The following HEXB variants were observed in gnomAD, a reference collection of about 807,000 sequenced individuals.
The protein encoded by HEXB is beta-hexosaminidase subunit beta.
HEXB carries 51 observed loss-of-function variants against 71.2 expected under a neutral mutation model. The observed-to-expected ratio is 0.72, with a 90% confidence interval of 0.57 to 0.90. The LOEUF is 0.90. HEXB is among the 40% of genes least tolerant of loss of function. HEXB has a pLI of 0.00. For missense variants in HEXB, 617 were observed against 677.0 expected, an observed-to-expected ratio of 0.91 and a Z score of 0.98; for synonymous variants, 266 against 249.3, an observed-to-expected ratio of 1.07 and a Z score of -0.63.
chr5:74,642,688 A>AT (rs1210800948), intron 1 of HEXB, among the ~76,000 whole-genome samples: 1 of 151,316 alleles, frequency 6.6e-6, no homozygotes, highest in Non-Finnish European at 1.5e-5. Context: ...TTGGTTGGGG[A>AT]TTTTGCCACA....
At chr5:74,670,881 A>G (rs1002995934) in intron 1 of HEXB, among the ~76,000 whole-genome samples, 13 of 151,242 alleles carry the variant, frequency 8.6e-5, no homozygotes, top group Admixed American at 2.6e-4. Context: ...TCGCTCACAC[A>G]CCCCCTCCCA....
intron 1 of HEXB, among the ~76,000 whole-genome samples, chr5:74,657,480 T>A (rs1748241343): frequency 6.6e-6 from 1 of 152,208 alleles, no homozygotes; most frequent in African/African-American, 2.4e-5. Context: ...CCCTTCACCC[T>A]GCTGGATTTT....
intron 5 of HEXB, among the ~76,000 whole-genome samples, chr5:74,704,232 T>C (rs1462581796): frequency 6.6e-6 from 1 of 152,204 alleles, no homozygotes; most frequent in Non-Finnish European, 1.5e-5. Context: ...ACCCTCCTTT[T>C]ATCCTCAATA....
intron 5 of HEXB, among the ~76,000 whole-genome samples, chr5:74,699,756 A>G (rs778388834): frequency 5.9e-5 from 9 of 152,058 alleles, no homozygotes; most frequent in Non-Finnish European, 1.2e-4. Flanking sequence ...CTTAAGATGT[A>G]TATATTTTAT....
rs1055321115 is a variant in HEXB at position 74,720,654 on chromosome 5, G to T, written c.1520G>T (p.Ser507Ile). The T allele has an allele frequency of 3.1e-6, 5 of 1,614,016 alleles. No homozygotes were observed. The highest frequency in any genetic ancestry group is 1.1e-5 in the South Asian group (1 of 91,090). ...NLTPRLWPRA[S>I]AVGERLWSSK... is the part of the protein sequence containing the mutation. The stretch of plus-strand genomic sequence containing the variant: ...GATTTAAATTTTAGGCCTCGGGCAA[G>T]TGCTGTTGGTGAGAGACTCTGGAGT... The change falls in exon 13 of 14, where the codon AGT becomes ATT. Residue 507 changes from serine to isoleucine, a missense_variant. Physicochemically the swap from Ser to Ile is moderately radical, Grantham distance 142. Coordinates refer to ENST00000261416, the MANE Select transcript of HEXB (RefSeq NM_000521.4).
intron 13 of HEXB, 49 bp downstream of exon 13, chr5:74,720,796 G>T: frequency 2.1e-6 from 3 of 1,401,490 alleles, no homozygotes; most frequent in Non-Finnish European, 3.0e-6. Flanking sequence ...CTTATTCAGT[G>T]TTAGTTTCTT....
At chr5:74,643,918 C>G (rs1747953941) in intron 1 of HEXB, among the ~76,000 whole-genome samples, 1 of 152,216 alleles carries the variant, frequency 6.6e-6, no homozygotes, top group African/African-American at 2.4e-5. Context: ...AGGACACTTT[C>G]TGAATCTGTG....
intron 2 of HEXB, 188 bp from the exon 3 acceptor site, chr5:74,693,451 G>C: frequency 4.6e-6 from 3 of 654,028 alleles, no homozygotes; most frequent in African/African-American, 1.8e-5. Flanking sequence ...AGTTCTGTTG[G>C]GGCATGTGGA....
chr5:74,720,348 G>A (rs1749796547), intron 11 of HEXB, 80 bp from the exon 12 acceptor site: 1 of 1,062,226 alleles, frequency 9.4e-7, no homozygotes, highest in African/African-American at 1.6e-5. Flanking sequence ...GATAAAGATG[G>A]AGGAAACAAA....
intron 1 of HEXB, among the ~76,000 whole-genome samples, chr5:74,668,077 A>G (rs1748465839): frequency 6.6e-6 from 1 of 152,192 alleles, no homozygotes; most frequent in African/African-American, 2.4e-5. Flanking sequence ...ATCCAGCCAT[A>G]AAATGCCTTA....
rs1244894457 is a variant in HEXB, at chr5:74,652,139, C to CAT, written c.-377+11584_-377+11585dup. 2.0e-5 allele frequency among the ~76,000 whole-genome samples: 3 copies of CAT among 152,074 alleles called. No individual in the cohort carries two copies. The highest frequency in any genetic ancestry group is 4.4e-5 in the Non-Finnish European group (3 of 67,954). On this transcript the variant is annotated intron_variant, in intron 1 of 13. Coordinates refer to the HEXB transcript ENST00000511181. This position sits in a 1 kb window ranked among gnomAD's most constrained non-coding sequence, Gnocchi z 5.4. ...AACTCTTTTACGTGAGTAGGTAATACATATGCATGGATCAACCATAAATAA... is the reference window on the plus strand; with the variant it reads ...AACTCTTTTACGTGAGTAGGTAATACATATATGCATGGATCAACCATAAATAA...
chr5:74,685,440 G>A lies in HEXB; in HGVS notation c.180G>A (p.Pro60=), dbSNP rs772089862. Residue 60 remains proline (P), a synonymous_variant, in exon 1 of 14, where the codon CCG becomes CCA. Coordinates refer to ENST00000261416, the MANE Select transcript of HEXB (RefSeq NM_000521.4). ...AKPGPALWPL[P]LLVKMTPNLL... ...CGGGGCCGGCGCTGTGGCCCCTGCC[G>A]CTCTTGGTGAAGATGACCCCGAACC... The A allele has an allele frequency of 5.6e-5, 90 of 1,610,014 alleles. No homozygotes were observed. The highest frequency in any genetic ancestry group is 7.2e-5 in the Non-Finnish European group (85 of 1,178,746).
At chr5:74,665,021 T>C (rs1322977397) in intron 1 of HEXB, among the ~76,000 whole-genome samples, 1 of 152,210 alleles carries the variant, frequency 6.6e-6, no homozygotes, top group African/African-American at 2.4e-5. Context: ...CCAGTAATTC[T>C]ACTTTTAAGA....
chr5:74,703,607 A>G (rs13360054), intron 5 of HEXB, among the ~76,000 whole-genome samples: 43,999 of 151,946 alleles, frequency 0.29, 6,576 homozygotes, highest in Middle Eastern at 0.44. Context: ...CCCTATTTCT[A>G]TATCTGCTAA....
At chr5:74,707,729 A>T (rs1016313901) in intron 6 of HEXB, among the ~76,000 whole-genome samples, 1 of 152,146 alleles carries the variant, frequency 6.6e-6, no homozygotes, top group Non-Finnish European at 1.5e-5. Flanking sequence ...TGAGAAGGGA[A>T]GTTTAGAGAA....
intron 1 of HEXB, among the ~76,000 whole-genome samples, chr5:74,644,692 G>A (rs187353197): frequency 1.1e-4 from 16 of 146,906 alleles, no homozygotes; most frequent in South Asian, 8.7e-4. Flanking sequence ...ATCTTTGTGC[G>A]TTAAAAAAAG....
chr5:74,651,087 A>G (rs180768596), intron 1 of HEXB, among the ~76,000 whole-genome samples: 1 of 152,372 alleles, frequency 6.6e-6, no homozygotes, highest in African/African-American at 2.4e-5. Context: ...GACCATTCAT[A>G]GAGATCTTCA....
chr5:74,656,540 T>TAAAATAAAATAA (rs1245449179), intron 1 of HEXB, among the ~76,000 whole-genome samples: 7 of 105,446 alleles, frequency 6.6e-5, no homozygotes, highest in African/African-American at 4.1e-4. Context: ...TAAAATAAAA[T>TAAAATAAAATAA]AAAAGTCAGG....
intron 1 of HEXB, among the ~76,000 whole-genome samples, chr5:74,669,675 A>G (rs1385163124): frequency 6.6e-6 from 1 of 152,066 alleles, no homozygotes; most frequent in East Asian, 1.9e-4. Context: ...GAATGTTGAC[A>G]AGCAGAGCTA....
Sources: gnomAD v4.1 joint callset for allele counts (sites outside exome capture counted in the v4.1 genomes callset) on GRCh38, gnomAD v4.1.1 for gene constraint, Gnocchi (gnomAD v3.1) non-coding constraint, MANE v1.5 for transcripts, NCBI Gene and HGNC (gene_info 2026-07-23, HGNC 2026-07-21) for gene names.